CPNE4: variants seen among roughly 807,000 people sequenced by gnomAD.
CPNE4 encodes copine-4.
CPNE4 carries 25 observed loss-of-function variants against 67.9 expected under a neutral mutation model. That is an observed-to-expected ratio of 0.37 (90% CI 0.27 to 0.51). The LOEUF (loss-of-function observed/expected upper bound fraction) is 0.51. CPNE4 is among the 20% of genes least tolerant of loss of function. The pLI is 0.93. For synonymous variants in CPNE4, 242 were observed against 244.9 expected, an observed-to-expected ratio of 0.99 and a Z score of 0.11; for missense variants, 464 against 690.8, an observed-to-expected ratio of 0.67 and a Z score of 3.68.
At chr3:131,737,312 TG>T (rs1364457523) in intron 2 of CPNE4, among the ~76,000 whole-genome samples, 1 of 151,632 alleles carries the variant, frequency 6.6e-6, no homozygotes, top group Non-Finnish European at 1.5e-5. Flanking sequence ...TTAGTGGAGA[TG>T]GGGTTTCACC....
intron 2 of CPNE4, among the ~76,000 whole-genome samples, chr3:131,787,607 T>C (rs1408791332): frequency 6.6e-6 from 1 of 152,138 alleles, no homozygotes; most frequent in African/African-American, 2.4e-5. Flanking sequence ...CATCAACTTT[T>C]CTTGAAGGAG....
chr3:131,833,994 T>G lies in CPNE4; in HGVS notation c.180+71270A>C, dbSNP rs193075076. 7.2e-5 allele frequency among the ~76,000 whole-genome samples: 11 copies of G among 152,312 alleles called. No homozygotes were observed. The East Asian group carries it at 2.1e-3, about 29-fold the overall frequency. ...TATTAAAGTGGTTAGTTAAAATTAT[T>G]TGAATAATTCAAAAAATTAAGCAGG... On this transcript the variant is annotated intron_variant, in intron 2 of 15. Transcript: ENST00000429747.
chr3:131,570,198 G>A (rs1366736009), intron 10 of CPNE4, among the ~76,000 whole-genome samples: 2 of 151,616 alleles, frequency 1.3e-5, no homozygotes, highest in Non-Finnish European at 2.9e-5. Context: ...AGACATTTAG[G>A]TTGCTGACAG....
intron 7 of CPNE4, among the ~76,000 whole-genome samples, chr3:131,608,718 C>T (rs968913545): frequency 2.0e-5 from 3 of 152,100 alleles, no homozygotes; most frequent in Non-Finnish European, 4.4e-5. Context: ...AAACAACCTT[C>T]ATAAACCAAT....
At chr3:131,592,628 T>TAC (rs1192354257) in intron 7 of CPNE4, among the ~76,000 whole-genome samples, 2 of 149,162 alleles carry the variant, frequency 1.3e-5, no homozygotes, top group African/African-American at 4.9e-5. Context: ...TGTGTGTATA[T>TAC]ACACACACAT....
intron 7 of CPNE4, among the ~76,000 whole-genome samples, chr3:131,616,284 G>A (rs1186007055): frequency 1.3e-5 from 2 of 152,160 alleles, no homozygotes; most frequent in African/African-American, 4.8e-5. Context: ...GGTATAGCAT[G>A]AGAATAAATG....
intron 2 of CPNE4, among the ~76,000 whole-genome samples, chr3:131,783,690 G>C (rs1401756936): frequency 6.6e-6 from 1 of 151,976 alleles, no homozygotes; most frequent in Non-Finnish European, 1.5e-5. Context: ...TTCATTTTGT[G>C]CTTCAGTCAA....
At chr3:131,918,840 C>T (rs2070654835) in intron 1 of CPNE4, among the ~76,000 whole-genome samples, 3 of 152,028 alleles carry the variant, frequency 2.0e-5, no homozygotes, top group Admixed American at 1.3e-4. Context: ...CATTAGAAGA[C>T]ACATGAAACA....
At chr3:132,015,385 G>T (rs946254371) in intron 1 of CPNE4, among the ~76,000 whole-genome samples, 1 of 152,088 alleles carries the variant, frequency 6.6e-6, no homozygotes, top group Non-Finnish European at 1.5e-5. Context: ...CTTTCTGCTA[G>T]AAGGTAACCC....
intron 2 of CPNE4, among the ~76,000 whole-genome samples, chr3:131,881,513 T>C (rs986759236): frequency 1.3e-5 from 2 of 152,166 alleles, no homozygotes; most frequent in Non-Finnish European, 2.9e-5. Flanking sequence ...ATTATAGGTG[T>C]GTTCTTGGTG....
intron 2 of CPNE4, among the ~76,000 whole-genome samples, chr3:131,870,278 AT>A (rs945200141): frequency 6.6e-6 from 1 of 152,150 alleles, no homozygotes; most frequent in Non-Finnish European, 1.5e-5. Flanking sequence ...TCAGCATCTA[AT>A]TTTTGCCACA....
At chr3:131,906,667 GT>G (rs1264501779) in intron 1 of CPNE4, among the ~76,000 whole-genome samples, 1 of 151,832 alleles carries the variant, frequency 6.6e-6, no homozygotes, top group African/African-American at 2.4e-5. Flanking sequence ...GGACATTTGG[GT>G]TGTTTCCAAG....
At chr3:131,855,156 G>A (rs965373388) in intron 2 of CPNE4, among the ~76,000 whole-genome samples, 6 of 151,936 alleles carry the variant, frequency 3.9e-5, no homozygotes, top group Admixed American at 1.3e-4. Flanking sequence ...TAGGATGGGT[G>A]CCTGATATCA....
chr3:131,590,372 G>A (rs1445378736), intron 7 of CPNE4, among the ~76,000 whole-genome samples: 4 of 152,074 alleles, frequency 2.6e-5, no homozygotes, highest in African/African-American at 4.8e-5. Context: ...GGAGCTCCAC[G>A]GAAATACCAT....
chr3:131,814,101 C>A (rs778617327), intron 2 of CPNE4, among the ~76,000 whole-genome samples: 1 of 152,016 alleles, frequency 6.6e-6, no homozygotes, highest in Admixed American at 6.6e-5. Context: ...AACATAGGCA[C>A]CTATATACAT....
intron 1 of CPNE4, among the ~76,000 whole-genome samples, chr3:131,920,938 T>C (rs1295659975): frequency 1.3e-5 from 2 of 152,210 alleles, no homozygotes; most frequent in Non-Finnish European, 2.9e-5. Context: ...GGTAAATGGC[T>C]GAAGCTAAAG....
intron 1 of CPNE4, among the ~76,000 whole-genome samples, chr3:131,987,896 T>C (rs933807723): frequency 3.3e-5 from 5 of 152,186 alleles, no homozygotes; most frequent in African/African-American, 1.2e-4. Context: ...GCTATAAATG[T>C]TTACCCAGTG....
intron 2 of CPNE4, among the ~76,000 whole-genome samples, chr3:131,882,196 TATA>T (rs1174548696): frequency 2.6e-5 from 4 of 152,000 alleles, no homozygotes; most frequent in Non-Finnish European, 4.4e-5. Context: ...ACACATACTG[TATA>T]ATATGTTAAT....
intron 2 of CPNE4, among the ~76,000 whole-genome samples, chr3:131,822,340 T>C (rs1354456020): frequency 1.3e-5 from 2 of 152,202 alleles, no homozygotes; most frequent in African/African-American, 4.8e-5. Flanking sequence ...TCCCTTATTC[T>C]CAGATTAGCA....
Sources: gnomAD v4.1 joint callset for allele counts (sites outside exome capture counted in the v4.1 genomes callset) on GRCh38, gnomAD v4.1.1 for gene constraint, MANE v1.5 for transcripts, NCBI Gene and HGNC (gene_info 2026-07-23, HGNC 2026-07-21) for gene names.